The following DAB1 variants were observed in gnomAD, a reference collection of about 807,000 sequenced individuals.
DAB1 encodes the protein disabled homolog 1.
A neutral mutation model predicts 64.6 loss-of-function variants in DAB1; 15 were observed. That is an observed-to-expected ratio of 0.23 (90% CI 0.16 to 0.36). The LOEUF (loss-of-function observed/expected upper bound fraction) is 0.36, where lower values mean the gene tolerates loss of function less well. Ranked by LOEUF, DAB1 falls within the 10% of genes least tolerant of loss-of-function variation. DAB1 has a pLI of 1.00. For missense variants in DAB1, 596 were observed against 706.7 expected (o/e 0.84, Z 1.78); for synonymous variants, 235 against 251.9 (o/e 0.93, Z 0.64).
intron 2 of DAB1, among the ~76,000 whole-genome samples, chr1:57,269,606 A>G (rs954248570): frequency 6.9e-4 from 105 of 152,218 alleles, no homozygotes; most frequent in Admixed American, 4.8e-3. Context: ...CTTTAACTTA[A>G]CAATGTAGGA....
chr1:58,512,987 T>C (rs1646104915), intron 2 of DAB1, among the ~76,000 whole-genome samples: 1 of 152,196 alleles, frequency 6.6e-6, no homozygotes, highest in African/African-American at 2.4e-5. Flanking sequence ...AGTCTAATTC[T>C]TTTGCTTCAA....
chr1:58,126,455 C>CTTTTTTTCT (rs1557661507), intron 5 of DAB1, among the ~76,000 whole-genome samples: 1 of 146,776 alleles, frequency 6.8e-6, no homozygotes, highest in African/African-American at 2.5e-5. Flanking sequence ...TTCTTTTTTT[C>CTTTTTTTCT]TTTTTTTTTT....
chr1:58,400,635 T>C (rs1323925511), intron 3 of DAB1, among the ~76,000 whole-genome samples: 4 of 152,154 alleles, frequency 2.6e-5, no homozygotes, highest in Admixed American at 1.3e-4. Flanking sequence ...ACTGTCAATT[T>C]TGCCAGGAAA....
At chr1:57,909,582 T>C (rs1042630021) in intron 5 of DAB1, among the ~76,000 whole-genome samples, 7 of 152,114 alleles carry the variant, frequency 4.6e-5, no homozygotes, top group Admixed American at 3.9e-4. Flanking sequence ...AGAAAGAAAC[T>C]ATGAAATGTG....
intron 3 of DAB1, among the ~76,000 whole-genome samples, chr1:58,502,940 T>C (rs1308251536): frequency 6.6e-6 from 1 of 152,210 alleles, no homozygotes; most frequent in Non-Finnish European, 1.5e-5. Context: ...ATGTCTCACG[T>C]CTTTGTCTTC....
intron 5 of DAB1, among the ~76,000 whole-genome samples, chr1:57,993,871 C>T (rs1284848650): frequency 6.6e-6 from 1 of 152,184 alleles, no homozygotes; most frequent in East Asian, 1.9e-4. Flanking sequence ...GGCATTTAGG[C>T]ATTCATTCAT....
chr1:57,914,206 C>T (rs1299848126), intron 5 of DAB1, among the ~76,000 whole-genome samples: 2 of 152,052 alleles, frequency 1.3e-5, no homozygotes, highest in African/African-American at 4.8e-5. Flanking sequence ...AAATGTCCAA[C>T]AATGATAGAC....
intron 7 of DAB1, among the ~76,000 whole-genome samples, chr1:57,507,020 T>C (rs1644351767): frequency 6.6e-6 from 1 of 152,172 alleles, no homozygotes; most frequent in Admixed American, 6.5e-5. Flanking sequence ...TCATCTACAA[T>C]CTGTCTTCCA....
chr1:57,123,251 A>G (rs1656827527), intron 4 of DAB1, among the ~76,000 whole-genome samples: 2 of 152,114 alleles, frequency 1.3e-5, no homozygotes, highest in South Asian at 4.1e-4. Flanking sequence ...GCCAAGTCCT[A>G]AGAGAAATCC....
At chr1:58,533,813 G>A in intron 1 of DAB1, 2 of 619,390 alleles carry the variant, frequency 3.2e-6, no homozygotes, top group South Asian at 3.9e-5. Context: ...GTTTTTTTCA[G>A]GTAGCAGATT....
chr1:58,309,505 T>C (rs1257116089), intron 4 of DAB1, among the ~76,000 whole-genome samples: 1 of 152,148 alleles, frequency 6.6e-6, no homozygotes, highest in African/African-American at 2.4e-5. Flanking sequence ...TTGGTTTTTA[T>C]AAATGAGGAA....
chr1:57,447,807 C>T (rs919646301), intron 7 of DAB1, among the ~76,000 whole-genome samples: 10 of 152,078 alleles, frequency 6.6e-5, no homozygotes, highest in Non-Finnish European at 1.5e-4. Flanking sequence ...GGCAGGACTC[C>T]TTTAGGTTGT....
intron 5 of DAB1, among the ~76,000 whole-genome samples, chr1:58,099,439 G>A (rs776844546): frequency 2.6e-5 from 4 of 152,184 alleles, no homozygotes; most frequent in Non-Finnish European, 4.4e-5. Context: ...GACCGTCTAC[G>A]TACTGAGTTC....
At chr1:57,617,916 C>T (rs554538956) in intron 7 of DAB1, among the ~76,000 whole-genome samples, 40 of 152,280 alleles carry the variant, frequency 2.6e-4, no homozygotes, top group African/African-American at 8.4e-4. Flanking sequence ...GATTTCCACA[C>T]TTACATAACT....
chr1:57,570,141 C>T (rs1039047244), intron 7 of DAB1, among the ~76,000 whole-genome samples: 2 of 152,008 alleles, frequency 1.3e-5, no homozygotes, highest in Non-Finnish European at 2.9e-5. Context: ...GCAGACCCAC[C>T]CTTAATGTGG....
chr1:57,901,363 C>T (rs567333578), intron 5 of DAB1, among the ~76,000 whole-genome samples: 1 of 152,144 alleles, frequency 6.6e-6, no homozygotes, highest in Non-Finnish European at 1.5e-5. Context: ...CGAGCTCCCC[C>T]TCCCTGCAAT....
intron 2 of DAB1, among the ~76,000 whole-genome samples, chr1:58,518,646 G>C (rs563437577): frequency 6.8e-6 from 1 of 147,010 alleles, no homozygotes; most frequent in Non-Finnish European, 1.5e-5. Context: ...AAACCCTGGA[G>C]GACTCCAGGG....
At chr1:58,452,738 G>C (rs1050028507) in intron 3 of DAB1, among the ~76,000 whole-genome samples, 15 of 151,130 alleles carry the variant, frequency 9.9e-5, no homozygotes, top group African/African-American at 3.7e-4. Flanking sequence ...TGACGCGGGA[G>C]AATCACTTGA....
At chr1:57,354,552 C>G (rs535218120) in intron 1 of DAB1, among the ~76,000 whole-genome samples, 1 of 152,048 alleles carries the variant, frequency 6.6e-6, no homozygotes, top group Non-Finnish European at 1.5e-5. Flanking sequence ...TTAGGATGTA[C>G]GCTATACACT....
Sources: allele counts gnomAD v4.1 joint callset (sites outside exome capture counted in the v4.1 genomes callset), GRCh38; gene constraint gnomAD v4.1.1; transcripts MANE v1.5; gene names NCBI Gene and HGNC (gene_info 2026-07-23, HGNC 2026-07-21).